WDR25: variants seen among roughly 807,000 people sequenced by gnomAD.
WDR25 encodes WD repeat domain 25.
Under a neutral mutation model 47.7 loss-of-function variants are expected in WDR25, and 35 were observed. The observed-to-expected ratio is 0.73, with a 90% CI of 0.56 to 0.97. The LOEUF is 0.97. Ranked by LOEUF, WDR25 falls within the 50% of genes least tolerant of loss-of-function variation. The pLI, the probability that WDR25 is intolerant of heterozygous loss-of-function variation, is 0.00. For missense variants in WDR25, 634 were observed against 704.7 expected (o/e 0.90, Z 1.14); for synonymous variants, 248 against 278.9 (o/e 0.89, Z 1.10).
chr14:100,480,478 A>T (rs1900163396), intron 3 of WDR25, among the ~76,000 whole-genome samples: 1 of 152,242 alleles, frequency 6.6e-6, no homozygotes, highest in Non-Finnish European at 1.5e-5. Flanking sequence ...GAAAAAAAAG[A>T]TCAACACACT....
chr14:100,454,531 A>G, intron 2 of WDR25: 1 of 1,041,526 alleles, frequency 9.6e-7, no homozygotes, highest in Non-Finnish European at 1.3e-6. Context: ...AGCAACAACA[A>G]CAAAACTACC....
At chr14:100,453,254 G>A (rs1413779818) in intron 2 of WDR25, among the ~76,000 whole-genome samples, 1 of 152,212 alleles carries the variant, frequency 6.6e-6, no homozygotes, top group African/African-American at 2.4e-5. Context: ...TATTGCAGGT[G>A]GGAGGTAGAA....
chr14:100,491,633 C>A (rs147975240), intron 4 of WDR25, among the ~76,000 whole-genome samples: 1 of 152,196 alleles, frequency 6.6e-6, no homozygotes, highest in East Asian at 1.9e-4. Context: ...CGCCTGATGA[C>A]GCATTTCCCA....
rs1898314680 is a variant in WDR25 at position 100,430,954 on chromosome 14, G to T, written c.823-37067G>T. Among the ~76,000 whole-genome samples, 2 of 152,150 alleles carry T rather than the reference G, an allele frequency of 1.3e-5. No homozygotes were observed. The highest frequency in any genetic ancestry group is 1.9e-4 in the East Asian group (1 of 5,192). On this transcript the variant is annotated intron_variant, in intron 2 of 6. Transcript: ENST00000402312. The surrounding 1 kb of genome is among the most constrained non-coding windows in gnomAD (Gnocchi z 4.7). ...ATCGCTGGTGAAGGGCTTCCTTCTG[G>T]CCTCATCGTTGGCTTCTATGTGGCC...
chr14:100,458,072 G>T (rs2140278379), intron 2 of WDR25, among the ~76,000 whole-genome samples: 1 of 152,326 alleles, frequency 6.6e-6, no homozygotes, highest in South Asian at 2.1e-4. Context: ...AATTATGGAT[G>T]AAATGGTCTA....
intron 3 of WDR25, among the ~76,000 whole-genome samples, chr14:100,479,198 C>T (rs1306974548): frequency 6.6e-6 from 1 of 152,070 alleles, no homozygotes; most frequent in Non-Finnish European, 1.5e-5. Flanking sequence ...GTCCTGGGGC[C>T]TCTGTGCTGC....
At chr14:100,410,942 C>G (rs1897690883) in intron 2 of WDR25, among the ~76,000 whole-genome samples, 1 of 151,924 alleles carries the variant, frequency 6.6e-6, no homozygotes, top group Non-Finnish European at 1.5e-5. Flanking sequence ...ACCACCACGC[C>G]TGGCTAATTT....
chr14:100,459,713 A>T (rs1424771985), intron 2 of WDR25, among the ~76,000 whole-genome samples: 1 of 151,758 alleles, frequency 6.6e-6, no homozygotes, highest in Non-Finnish European at 1.5e-5. Flanking sequence ...GGTCTGGAAC[A>T]GATTCTTCCT....
At chr14:100,442,759 C>T (rs895119067) in intron 2 of WDR25, among the ~76,000 whole-genome samples, 3 of 152,086 alleles carry the variant, frequency 2.0e-5, no homozygotes, top group East Asian at 1.9e-4. Flanking sequence ...TGGAACTTAG[C>T]GATATTGCAG....
Position 100,438,735 on chromosome 14 carries a change from G to T in WDR25, c.823-29286G>T, listed in dbSNP as rs1195016592. Reference sequence around the variant, plus strand: ...CTTGATTAAGGAGAAGAGAGAGGTTGAGTGGCTTTCATGTTATTTCATTGA... The same window carrying T: ...CTTGATTAAGGAGAAGAGAGAGGTTTAGTGGCTTTCATGTTATTTCATTGA... On this transcript the variant is annotated intron_variant, in intron 2 of 6. Coordinates refer to ENST00000402312, the MANE Select transcript of WDR25 (RefSeq NM_001161476.3). 2.0e-5 allele frequency among the ~76,000 whole-genome samples: 3 copies of T among 152,222 alleles called. No individual in the cohort carries two copies. In the East Asian group the frequency reaches 5.8e-4, roughly 29 times the overall value.
chr14:100,382,467 A>G (rs1343457086), intron 2 of WDR25, among the ~76,000 whole-genome samples: 1 of 152,190 alleles, frequency 6.6e-6, no homozygotes, highest in African/African-American at 2.4e-5. Flanking sequence ...AGGCTGGGGA[A>G]GCAAGGTCAG....
rs1898241233 is a variant in WDR25, at chr14:100,428,697, C to T, written c.823-39324C>T. ...GAGCTGCCCCTGTGAGGAGCCATTT[C>T]ACTTCTTTCTTCAAGTGGATGTATT... On this transcript the variant is annotated intron_variant, in intron 2 of 6. Coordinates refer to ENST00000402312, the MANE Select transcript of WDR25 (RefSeq NM_001161476.3). This position sits in a 1 kb window ranked among gnomAD's most constrained non-coding sequence, Gnocchi z 4.3. Among the ~76,000 whole-genome samples, 1 of 152,320 alleles carries T rather than the reference C, an allele frequency of 6.6e-6. No homozygotes were observed. The highest frequency in any genetic ancestry group is 6.5e-5 in the Admixed American group (1 of 15,308).
At chr14:100,413,793 T>TTCTAG (rs1318121098) in intron 2 of WDR25, among the ~76,000 whole-genome samples, 4 of 152,240 alleles carry the variant, frequency 2.6e-5, no homozygotes, top group Admixed American at 2.0e-4. Flanking sequence ...ATGAAATATG[T>TTCTAG]AAATGGAATC....
chr14:100,529,684 G>T lies in WDR25; in HGVS notation c.1414-136G>T. ...GCCTCATGGGCGGGACCTGGGCTTT[G>T]GCCTCAGGGACACGAGGTGCGAAGC... is the stretch of plus-strand genomic sequence containing the variant. On this transcript the variant is annotated intron_variant, in intron 6 of 6. Transcript: ENST00000402312. This position sits in a 1 kb window ranked among gnomAD's most constrained non-coding sequence, Gnocchi z 5.1. The T allele has an allele frequency of 1.0e-6, 1 of 979,618 alleles. No individual in the cohort carries two copies. Among genetic ancestry groups the T allele is most frequent in the Non-Finnish European group, 1.5e-6 (1 of 672,410 alleles). The allele number at this position is 979,618 out of a possible 1,614,324, so 60.7% of individuals were successfully genotyped here.
In WDR25 at chr14:100,514,140, G is replaced by T. The variant is rs1320667785; in HGVS notation, c.1102-11730G>T. 2.0e-5 allele frequency among the ~76,000 whole-genome samples: 3 copies of T among 150,812 alleles called. No individual in the cohort carries two copies. In the South Asian group the frequency reaches 6.3e-4, roughly 32 times the overall value. ...TTTAGTAGAGATGGGGTTTCACCGTGTTAGCCAGGATGGTCTCGATCTCCT... is the reference window on the plus strand; with the variant it reads ...TTTAGTAGAGATGGGGTTTCACCGTTTTAGCCAGGATGGTCTCGATCTCCT... On this transcript the variant is annotated intron_variant, in intron 4 of 6. Coordinates refer to ENST00000402312, the MANE Select transcript of WDR25 (RefSeq NM_001161476.3).
chr14:100,491,584 G>A (rs913632097), intron 4 of WDR25, among the ~76,000 whole-genome samples: 7 of 152,254 alleles, frequency 4.6e-5, no homozygotes, highest in African/African-American at 1.7e-4. Flanking sequence ...ATACCGTCGA[G>A]GTTCGTGTAA....
chr14:100,516,454 A>G (rs1231325119), intron 4 of WDR25, among the ~76,000 whole-genome samples: 1 of 152,230 alleles, frequency 6.6e-6, no homozygotes, highest in Non-Finnish European at 1.5e-5. Context: ...TTATAAAGAA[A>G]GGAGTGTTAA....
chr14:100,380,786 G>A (rs878870337), intron 1 of WDR25, 124 bp from the exon 2 acceptor site: 4 of 932,478 alleles, frequency 4.3e-6, no homozygotes, highest in Non-Finnish European at 6.4e-6. Flanking sequence ...GAGCCACCAC[G>A]CCTGGCCTGT....
rs932899798 is a variant in WDR25 at position 100,488,400 on chromosome 14, C to A, written c.1101+4276C>A. Among the ~76,000 whole-genome samples the A allele has an allele frequency of 6.6e-6, 1 of 152,150 alleles. No homozygotes were observed. The highest frequency in any genetic ancestry group is 1.5e-5 in the Non-Finnish European group (1 of 68,034). ...GTCAATTTCTGCAGAAGCCCCTGAG[C>A]CTCTAGTGCCGTTGGCCTGAGCTGC... is the stretch of plus-strand genomic sequence containing the variant. On this transcript the variant is annotated intron_variant, in intron 4 of 6. Coordinates refer to ENST00000402312, the MANE Select transcript of WDR25 (RefSeq NM_001161476.3). The surrounding 1 kb of genome is among the most constrained non-coding windows in gnomAD (Gnocchi z 4.2).
Sources: allele counts gnomAD v4.1 joint callset (sites outside exome capture counted in the v4.1 genomes callset), GRCh38; gene constraint gnomAD v4.1.1; non-coding constraint Gnocchi (gnomAD v3.1); transcripts MANE v1.5; gene names NCBI Gene and HGNC (gene_info 2026-07-23, HGNC 2026-07-21).